KAZN: variants seen among roughly 807,000 people sequenced by gnomAD.
The protein encoded by KAZN is kazrin, periplakin interacting protein.
A neutral mutation model predicts 87.4 loss-of-function variants in KAZN; 40 were observed. The observed-to-expected ratio is 0.46, with a 90% CI of 0.36 to 0.60. KAZN has a LOEUF of 0.60. KAZN is among the 20% of genes least tolerant of loss of function. KAZN has a pLI of 0.00. For missense variants in KAZN, 898 were observed against 1,073.9 expected (o/e 0.84, Z 2.29); for synonymous variants, 466 against 458.3 (o/e 1.02, Z -0.22).
chr1:14,698,853 C>T lies in KAZN; in HGVS notation c.226+99630C>T, dbSNP rs141445226. Among the ~76,000 whole-genome samples the T allele has an allele frequency of 3.0e-4, 45 of 152,336 alleles. No homozygotes were observed. In the East Asian group the frequency reaches 8.3e-3, roughly 28 times the overall value. ...GCAAACCCCAAGTCTGGCAGGAAAT[C>T]GCAAACAAGCTCCGCTGGTCTAACC... is the stretch of plus-strand genomic sequence containing the variant. On this transcript the variant is annotated intron_variant, in intron 1 of 14. Transcript: ENST00000376030.
intron 13 of KAZN, 100 bp from the exon 14 acceptor site, chr1:15,112,327 C>A: frequency 1.4e-6 from 1 of 695,796 alleles, no homozygotes. Flanking sequence ...TCATTGTCAC[C>A]AATGTGTGTG....
At chr1:14,070,419 G>A (rs1379121033) in intron 1 of KAZN, among the ~76,000 whole-genome samples, 1 of 152,054 alleles carries the variant, frequency 6.6e-6, no homozygotes, top group Non-Finnish European at 1.5e-5. Context: ...AAAGATATCA[G>A]AAATTCAGTA....
intron 2 of KAZN, among the ~76,000 whole-genome samples, chr1:14,535,539 G>A (rs1672451810): frequency 6.6e-6 from 1 of 152,110 alleles, no homozygotes; most frequent in Non-Finnish European, 1.5e-5. Flanking sequence ...GGTGGCGCAT[G>A]CCTGTAATCC....
Position 14,695,688 on chromosome 1 carries a change from T to C in KAZN, c.226+96465T>C, listed in dbSNP as rs527325997. Among the ~76,000 whole-genome samples, 3 of 151,794 alleles carry C rather than the reference T, an allele frequency of 2.0e-5. No individual in the cohort carries two copies. In the South Asian group the frequency reaches 6.3e-4, roughly 32 times the overall value. ...GCCTAGCTAATTTTTGTATTTTTAG[T>C]AGAGATGGGGTTTCATCATGTTAGC... On this transcript the variant is annotated intron_variant, in intron 1 of 14. Coordinates refer to ENST00000376030, the MANE Select transcript of KAZN (RefSeq NM_201628.3).
rs1324484652 is a variant in KAZN at position 15,099,674 on chromosome 1, G to A, written c.1548-1869G>A. Among the ~76,000 whole-genome samples, 1 of 152,172 alleles carries A rather than the reference G, an allele frequency of 6.6e-6. No homozygotes were observed. Among genetic ancestry groups the A allele is most frequent in the African/African-American group, 2.4e-5 (1 of 41,440 alleles). On this transcript the variant is annotated intron_variant, in intron 10 of 14. Coordinates refer to ENST00000376030, the MANE Select transcript of KAZN (RefSeq NM_201628.3). This position sits in a 1 kb window ranked among gnomAD's most constrained non-coding sequence, Gnocchi z 5.4. Reference sequence around the variant, plus strand: ...CTTGTGGACCATTCAAAGGACTTGCGATTTTACTCCTGCAAAGAGAAGCCA... The same window carrying A: ...CTTGTGGACCATTCAAAGGACTTGCAATTTTACTCCTGCAAAGAGAAGCCA...
intron 2 of KAZN, among the ~76,000 whole-genome samples, chr1:14,190,477 T>C (rs1001940429): frequency 6.6e-6 from 1 of 152,168 alleles, no homozygotes; most frequent in African/African-American, 2.4e-5. Flanking sequence ...CAAAAATGGC[T>C]GTCATTCTTT....
At chr1:14,802,508 G>T (rs1363432794) in intron 1 of KAZN, among the ~76,000 whole-genome samples, 1 of 152,100 alleles carries the variant, frequency 6.6e-6, no homozygotes, top group Non-Finnish European at 1.5e-5. Context: ...GGGGTTACTA[G>T]TGAGATCTGG....
rs1650172376 is a variant in KAZN, at chr1:14,856,829, AC to A, written c.227-103854del. ...AGTTTGCAATTCAATCGGAACTCAG[AC>A]TTTTTTCCTCTGTTGTCATCCTTTG... On this transcript the variant is annotated intron_variant, in intron 1 of 14. Coordinates refer to ENST00000376030, the MANE Select transcript of KAZN (RefSeq NM_201628.3). This position sits in a 1 kb window ranked among gnomAD's most constrained non-coding sequence, Gnocchi z 5.2. Among the ~76,000 whole-genome samples, 1 of 152,136 alleles carries A rather than the reference AC, an allele frequency of 6.6e-6. No homozygotes were observed. The highest frequency in any genetic ancestry group is 2.4e-5 in the African/African-American group (1 of 41,428).
chr1:14,678,466 C>T (rs527352942), intron 1 of KAZN, among the ~76,000 whole-genome samples: 6 of 152,296 alleles, frequency 3.9e-5, no homozygotes, highest in Non-Finnish European at 7.4e-5. Context: ...GGACTTGGAC[C>T]GAGCCACTGC....
intron 1 of KAZN, among the ~76,000 whole-genome samples, chr1:14,634,820 C>A (rs888192599): frequency 6.6e-6 from 1 of 152,148 alleles, no homozygotes; most frequent in African/African-American, 2.4e-5. Flanking sequence ...ACACCTCTTC[C>A]TCAGCAGGAA....
chr1:14,131,523 T>G (rs899142139), intron 1 of KAZN, among the ~76,000 whole-genome samples: 1 of 152,082 alleles, frequency 6.6e-6, no homozygotes, highest in Non-Finnish European at 1.5e-5. Flanking sequence ...TATGTTTTAT[T>G]GTGTTCTGCT....
At chr1:14,049,508 C>T (rs776841269) in intron 1 of KAZN, among the ~76,000 whole-genome samples, 10 of 152,106 alleles carry the variant, frequency 6.6e-5, no homozygotes, top group Non-Finnish European at 1.0e-4. Context: ...TGAGTACCTG[C>T]TGCCTACTGA....
chr1:14,664,524 T>G (rs976498260), intron 1 of KAZN, among the ~76,000 whole-genome samples: 2 of 152,156 alleles, frequency 1.3e-5, no homozygotes, highest in Non-Finnish European at 2.9e-5. Context: ...ATTTAGTGAT[T>G]CCTACCTGAT....
chr1:14,663,877 A>G (rs1048002885), intron 1 of KAZN, among the ~76,000 whole-genome samples: 3 of 152,222 alleles, frequency 2.0e-5, no homozygotes, highest in Admixed American at 2.0e-4. Flanking sequence ...CCAACTTCAT[A>G]CTAGTGTTAT....
intron 2 of KAZN, among the ~76,000 whole-genome samples, chr1:14,524,501 A>G (rs777550690): frequency 5.9e-5 from 9 of 152,304 alleles, no homozygotes; most frequent in Non-Finnish European, 1.2e-4. Context: ...ATTTATCACC[A>G]GGCTCTCTTT....
chr1:14,683,245 G>A (rs1456941422), intron 1 of KAZN, among the ~76,000 whole-genome samples: 2 of 152,182 alleles, frequency 1.3e-5, no homozygotes, highest in Non-Finnish European at 2.9e-5. Context: ...AGTCGCTCCA[G>A]AAGTGCAAGG....
intron 2 of KAZN, among the ~76,000 whole-genome samples, chr1:14,587,368 A>T (rs989901594): frequency 1.3e-5 from 2 of 151,276 alleles, no homozygotes; most frequent in African/African-American, 4.9e-5. Context: ...CCCGGGAGGC[A>T]GAGGTTGCAG....
intron 1 of KAZN, among the ~76,000 whole-genome samples, chr1:14,617,341 G>A (rs897496457): frequency 2.0e-5 from 3 of 152,168 alleles, no homozygotes; most frequent in African/African-American, 7.2e-5. Flanking sequence ...GTGTACAATA[G>A]CATTCTGTCT....
chr1:15,037,490 G>C (rs1404831213), intron 3 of KAZN, among the ~76,000 whole-genome samples: 31 of 152,222 alleles, frequency 2.0e-4, no homozygotes, highest in Non-Finnish European at 1.5e-5. Context: ...CTGTAAAGCA[G>C]GATGAAGATT....
Sources: gnomAD v4.1 joint callset for allele counts (sites outside exome capture counted in the v4.1 genomes callset) on GRCh38, gnomAD v4.1.1 for gene constraint, Gnocchi (gnomAD v3.1) non-coding constraint, MANE v1.5 for transcripts, NCBI Gene and HGNC (gene_info 2026-07-23, HGNC 2026-07-21) for gene names.